The following CCDC170 variants were observed in gnomAD, a reference collection of about 807,000 sequenced individuals.
The protein encoded by CCDC170 is coiled-coil domain containing 170, also known as coiled-coil domain-containing protein 170.
A neutral mutation model predicts 72.6 loss-of-function variants in CCDC170; 69 were observed. The observed-to-expected ratio is 0.95, with a 90% confidence interval of 0.78 to 1.16. CCDC170 has a LOEUF of 1.16. CCDC170 is among the 50% of genes most tolerant of loss of function. The probability of loss-of-function intolerance (pLI) is 0.00; values close to 1 mark genes in which losing one functional copy is unlikely to be tolerated. For missense variants in CCDC170, 852 were observed against 832.5 expected, an observed-to-expected ratio of 1.02 and a Z score of -0.29; for synonymous variants, 300 against 303.9, an observed-to-expected ratio of 0.99 and a Z score of 0.13.
At chr6:151,541,886 ATTTT>A (rs547158203) in intron 3 of CCDC170, among the ~76,000 whole-genome samples, 1,860 of 137,132 alleles carry the variant, frequency 0.014, 17 homozygotes, top group East Asian at 0.028. Flanking sequence ...ATATATATAT[ATTTT>A]TTTTTTTAAG....
chr6:151,613,248 A>T (rs1205042927), intron 9 of CCDC170, among the ~76,000 whole-genome samples: 1 of 152,164 alleles, frequency 6.6e-6, no homozygotes, highest in Non-Finnish European at 1.5e-5. Context: ...TACTAAAAAT[A>T]CAAAAATTAG....
At position 151,510,737 on chromosome 6, in the gene CCDC170, T is replaced by C. The variant is rs148346120; in HGVS notation, c.57+16552T>C. On this transcript the variant is annotated intron_variant, in intron 1 of 10. Transcript: ENST00000239374. ...TTTATAATTTTATAAGTAAGTTTTTTTTCTTCTTCTTTTTTTTTTATAGAG... is the reference window on the plus strand; with the variant it reads ...TTTATAATTTTATAAGTAAGTTTTTCTTCTTCTTCTTTTTTTTTTATAGAG... Among the ~76,000 whole-genome samples, 1,376 of 150,664 alleles carry C rather than the reference T, an allele frequency of 9.1e-3. 22 individuals are homozygous for C. Among genetic ancestry groups the C allele is most frequent in the African/African-American group, 0.032 (1,311 of 41,248 alleles).
intron 7 of CCDC170, among the ~76,000 whole-genome samples, chr6:151,589,393 A>G (rs1229658576): frequency 6.6e-6 from 1 of 152,204 alleles, no homozygotes; most frequent in Non-Finnish European, 1.5e-5. Flanking sequence ...GTCCGTGAAC[A>G]CCAAAATACA....
At chr6:151,567,501 G>A (rs543460613) in intron 5 of CCDC170, among the ~76,000 whole-genome samples, 1 of 152,212 alleles carries the variant, frequency 6.6e-6, no homozygotes, top group South Asian at 2.1e-4. Context: ...CAAAGTGCTG[G>A]AATTACAGGT....
intron 7 of CCDC170, among the ~76,000 whole-genome samples, chr6:151,588,490 A>C (rs1249972371): frequency 6.6e-6 from 1 of 152,220 alleles, no homozygotes; most frequent in Admixed American, 6.5e-5. Flanking sequence ...TAGATAGTCC[A>C]GTTCAGACTA....
chr6:151,573,928 T>C (rs1475571715), intron 6 of CCDC170, among the ~76,000 whole-genome samples: 4 of 152,246 alleles, frequency 2.6e-5, no homozygotes, highest in Non-Finnish European at 1.5e-5. Flanking sequence ...ACCATATCAG[T>C]GACTTATCTC....
At position 151,548,223 on chromosome 6, in the gene CCDC170, C is replaced by T. The variant is rs144179631; in HGVS notation, c.589-81C>T. ...CTCTTACATTTTTCATATGATAATG[C>T]AGTCTATAGATGTGACTTGCTTAGA... On this transcript the variant is annotated intron_variant, in intron 4 of 10. Transcript: ENST00000239374. 7,079 of 1,180,196 alleles carry T rather than the reference C, an allele frequency of 6.0e-3. 30 individuals are homozygous for T. The highest frequency in any genetic ancestry group is 6.7e-3 in the Non-Finnish European group (5,905 of 881,476). The allele number at this position is 1,180,196 out of a possible 1,614,324, so 73.1% of individuals were successfully genotyped here.
chr6:151,551,587 C>G (rs1266362135), intron 5 of CCDC170, among the ~76,000 whole-genome samples: 1 of 152,168 alleles, frequency 6.6e-6, no homozygotes, highest in East Asian at 1.9e-4. Context: ...AAGCCAGGGG[C>G]CATGGTGTGA....
chr6:151,508,888 G>A (rs1583002279), intron 1 of CCDC170, among the ~76,000 whole-genome samples: 1 of 151,714 alleles, frequency 6.6e-6, no homozygotes, highest in East Asian at 1.9e-4. Flanking sequence ...GGTGGCGAAC[G>A]CCTGTAATCC....
rs557469919 is a variant in CCDC170, at chr6:151,494,425, T to C, written c.57+240T>C. Among the ~76,000 whole-genome samples, 5 of 152,334 alleles carry C rather than the reference T, an allele frequency of 3.3e-5. No homozygotes were observed. The South Asian group carries it at 8.3e-4, about 25-fold the overall frequency. On this transcript the variant is annotated intron_variant, in intron 1 of 10. Transcript: ENST00000239374. ...TTTAGGTTGTGCCACTCTGCTTCTC[T>C]GACCATTTAAACCGGTGACATTCGA...
intron 1 of CCDC170, among the ~76,000 whole-genome samples, chr6:151,519,775 C>A (rs1417731817): frequency 6.6e-6 from 1 of 152,100 alleles, no homozygotes; most frequent in Non-Finnish European, 1.5e-5. Context: ...TCTTTTTAGA[C>A]CATACAGGGT....
intron 6 of CCDC170, among the ~76,000 whole-genome samples, chr6:151,581,280 C>A (rs1776375945): frequency 6.6e-6 from 1 of 152,206 alleles, no homozygotes; most frequent in South Asian, 2.1e-4. Flanking sequence ...TCAAACCTTG[C>A]TGCTTTTTTG....
At chr6:151,513,442 T>G (rs1011551440) in intron 1 of CCDC170, among the ~76,000 whole-genome samples, 1 of 150,662 alleles carries the variant, frequency 6.6e-6, no homozygotes, top group African/African-American at 2.4e-5. Flanking sequence ...AAACCCTGTC[T>G]TTACTGAAAA....
intron 5 of CCDC170, among the ~76,000 whole-genome samples, chr6:151,550,669 C>T (rs1318102379): frequency 6.6e-6 from 1 of 152,140 alleles, no homozygotes; most frequent in Non-Finnish European, 1.5e-5. Flanking sequence ...ATGTATTTCT[C>T]ACAAATCTGG....
Position 151,618,290 on chromosome 6 carries a change from C to A in CCDC170, c.*143C>A. 1.4e-6 allele frequency: 1 copy of A among 698,534 alleles called. No homozygotes were observed. The highest frequency in any genetic ancestry group is 2.3e-6 in the Non-Finnish European group (1 of 429,068). 43.3% of individuals were successfully genotyped at this position (698,534 alleles called of 1,614,324 possible). The stretch of plus-strand genomic sequence containing the variant: ...AGTGAGAATGCATCACTTGCAAAAA[C>A]GATCTCAAAAGTGTCAGCCTTAGAT... On this transcript the variant is annotated 3_prime_UTR_variant, in exon 11 of 11. Coordinates refer to ENST00000239374, the MANE Select transcript of CCDC170 (RefSeq NM_025059.4).
At chr6:151,497,104 T>G (rs1291407622) in intron 1 of CCDC170, among the ~76,000 whole-genome samples, 4 of 152,214 alleles carry the variant, frequency 2.6e-5, no homozygotes, top group Admixed American at 2.6e-4. Context: ...AATTGGAGAT[T>G]GACCCTGCTC....
At chr6:151,615,799 G>C in intron 10 of CCDC170, 120 bp downstream of exon 10, 1 of 761,374 alleles carries the variant, frequency 1.3e-6, no homozygotes, top group Admixed American at 2.4e-5. Flanking sequence ...TCATGAATTT[G>C]TATGTCATCG....
At chr6:151,499,664 C>G (rs9383910) in intron 1 of CCDC170, among the ~76,000 whole-genome samples, 59,377 of 126,810 alleles carry the variant, frequency 0.47, 19,162 homozygotes, top group African/African-American at 0.81. Context: ...GACTATTCTA[C>G]GCACTCTCTC....
chr6:151,592,598 T>A (rs774353043), intron 7 of CCDC170, among the ~76,000 whole-genome samples: 5 of 152,138 alleles, frequency 3.3e-5, no homozygotes, highest in Non-Finnish European at 7.3e-5. Flanking sequence ...CTCACTACCA[T>A]GAGAACAGTA....
Sources: gnomAD v4.1 joint callset for allele counts (sites outside exome capture counted in the v4.1 genomes callset) on GRCh38, gnomAD v4.1.1 for gene constraint, MANE v1.5 for transcripts, NCBI Gene and HGNC (gene_info 2026-07-23, HGNC 2026-07-21) for gene names.